MAP7: variants seen among roughly 807,000 people sequenced by gnomAD.
The protein encoded by MAP7 is ensconsin.
A neutral mutation model predicts 94.8 loss-of-function variants in MAP7; 52 were observed. The ratio of observed to expected loss-of-function variants is 0.55; its 90% CI spans 0.44 to 0.69. The LOEUF (loss-of-function observed/expected upper bound fraction) is 0.69. Among genes scored for constraint, MAP7 ranks in the 30% least tolerant of loss-of-function variants. The pLI is 0.00. For missense variants in MAP7, 940 were observed against 964.6 expected (o/e 0.97, Z 0.34); for synonymous variants, 350 against 357.0 (o/e 0.98, Z 0.22).
chr6:136,503,019 T>A (rs1820252962), intron 1 of MAP7, among the ~76,000 whole-genome samples: 1 of 152,196 alleles, frequency 6.6e-6, no homozygotes, highest in Non-Finnish European at 1.5e-5. Context: ...GATAGCTAAC[T>A]CCCTACCTTT....
chr6:136,545,692 A>G (rs1829676950), intron 1 of MAP7, among the ~76,000 whole-genome samples: 1 of 152,044 alleles, frequency 6.6e-6, no homozygotes, highest in African/African-American at 2.4e-5. Flanking sequence ...CCTTTCCTCC[A>G]TCTAATTTTA....
At chr6:136,405,599 G>A (rs531654585) in intron 3 of MAP7, among the ~76,000 whole-genome samples, 92 of 152,364 alleles carry the variant, frequency 6.0e-4, no homozygotes, top group African/African-American at 2.2e-3. Context: ...TACTCTGCAT[G>A]AAATGTAAAG....
At chr6:136,369,957 A>G (rs1392177577) in intron 8 of MAP7, among the ~76,000 whole-genome samples, 1 of 152,232 alleles carries the variant, frequency 6.6e-6, no homozygotes, top group African/African-American at 2.4e-5. Context: ...ACACTTCTAT[A>G]TATCAAAGGA....
Position 136,409,398 on chromosome 6 carries a change from A to AAGG in MAP7, c.244+2221_244+2222insCCT, listed in dbSNP as rs1279716098. Among the ~76,000 whole-genome samples the AAGG allele has an allele frequency of 4.4e-3, 672 of 152,128 alleles. 6 individuals are homozygous for AAGG. The highest frequency in any genetic ancestry group is 0.015 in the African/African-American group (641 of 41,418). Reference sequence around the variant, plus strand: ...CATAACAAGATCCCATTTCAGAGAAAGAGAGAGAGAAGAGAGAAACTATGT... The same window carrying AAGG: ...CATAACAAGATCCCATTTCAGAGAAAAGGGAGAGAGAGAAGAGAGAAACTATGT... On this transcript the variant is annotated intron_variant, in intron 3 of 17. Transcript: ENST00000354570.
chr6:136,359,449 C>G (rs556445878), intron 15 of MAP7, among the ~76,000 whole-genome samples: 51 of 152,186 alleles, frequency 3.4e-4, no homozygotes, highest in Non-Finnish European at 5.6e-4. Context: ...TAAATATACA[C>G]TACTTGAGCA....
intron 1 of MAP7, among the ~76,000 whole-genome samples, chr6:136,471,764 A>T (rs1809100036): frequency 6.6e-6 from 1 of 152,132 alleles, no homozygotes; most frequent in Non-Finnish European, 1.5e-5. Flanking sequence ...AGCAGACAAA[A>T]CTATAACAAA....
At position 136,361,047 on chromosome 6, in the gene MAP7, C is replaced by A; in HGVS notation, c.1659G>T (p.Arg553=). ...EEQLQRQAEE[R]ALREREEAER... ...CTGCCTCCTCCCGCTCGCGCAGCGC[C>A]CGCTCCTCCGCCTGCCGCTGCAGCT... The change falls in exon 12 of 18, where the codon CGG becomes CGT. Residue 553 remains arginine (R), a synonymous_variant. Transcript: ENST00000354570. 6.3e-7 allele frequency: 1 copy of A among 1,588,600 alleles called. No individual in the cohort carries two copies. The highest frequency in any genetic ancestry group is 8.5e-7 in the Non-Finnish European group (1 of 1,173,448).
chr6:136,349,462 T>C (rs1430323059), intron 16 of MAP7, among the ~76,000 whole-genome samples: 1 of 152,084 alleles, frequency 6.6e-6, no homozygotes, highest in African/African-American at 2.4e-5. Context: ...CAGCTTCAAT[T>C]CCCTGGGCTC....
At chr6:136,466,143 A>G (rs1461923956) in intron 1 of MAP7, among the ~76,000 whole-genome samples, 1 of 152,222 alleles carries the variant, frequency 6.6e-6, no homozygotes, top group African/African-American at 2.4e-5. Flanking sequence ...GGGGAAAGAC[A>G]TAACTGGGCA....
At chr6:136,346,283 T>G (rs1292066528) in intron 16 of MAP7, among the ~76,000 whole-genome samples, 1 of 152,124 alleles carries the variant, frequency 6.6e-6, no homozygotes, top group Non-Finnish European at 1.5e-5. Context: ...AAAATCTAGG[T>G]CAGGCACAGT....
At chr6:136,479,126 A>G (rs181839598) in intron 1 of MAP7, among the ~76,000 whole-genome samples, 23 of 152,258 alleles carry the variant, frequency 1.5e-4, no homozygotes, top group Non-Finnish European at 2.9e-4. Context: ...TCAACATAAT[A>G]CTAGCAAACC....
intron 16 of MAP7, among the ~76,000 whole-genome samples, chr6:136,348,087 C>T (rs1032711796): frequency 5.3e-5 from 8 of 151,270 alleles, no homozygotes; most frequent in African/African-American, 1.5e-4. Flanking sequence ...CCACACCCAT[C>T]TTCCTGTTCT....
At chr6:136,422,423 T>A (rs1162946264) in intron 1 of MAP7, among the ~76,000 whole-genome samples, 2 of 152,086 alleles carry the variant, frequency 1.3e-5, no homozygotes, top group East Asian at 1.9e-4. Context: ...AAATTCAAAT[T>A]AAAAAAAATC....
intron 1 of MAP7, among the ~76,000 whole-genome samples, chr6:136,508,721 T>C (rs1257723774): frequency 6.6e-6 from 1 of 152,198 alleles, no homozygotes; most frequent in Admixed American, 6.5e-5. Flanking sequence ...TGGTTTTCCT[T>C]TTTTTGTTTT....
intron 1 of MAP7, among the ~76,000 whole-genome samples, chr6:136,546,227 A>T (rs1394411879): frequency 6.6e-6 from 1 of 151,862 alleles, no homozygotes; most frequent in Non-Finnish European, 1.5e-5. Context: ...AACCCAGGCT[A>T]GTCTCAAACT....
chr6:136,523,611 A>T (rs977650030), intron 1 of MAP7, among the ~76,000 whole-genome samples: 2 of 152,220 alleles, frequency 1.3e-5, no homozygotes, highest in Non-Finnish European at 2.9e-5. Flanking sequence ...ATCCACGGTT[A>T]TCTGGTTATT....
chr6:136,421,560 C>T (rs1791366640), intron 2 of MAP7, 141 bp downstream of exon 2: 1 of 667,940 alleles, frequency 1.5e-6, no homozygotes, highest in African/African-American at 1.8e-5. Context: ...TGTTTGGTGG[C>T]AGGACTGAAA....
At chr6:136,545,652 T>C (rs897758366) in intron 1 of MAP7, among the ~76,000 whole-genome samples, 10 of 152,244 alleles carry the variant, frequency 6.6e-5, no homozygotes, top group Non-Finnish European at 1.5e-4. Flanking sequence ...ACCAAAACTT[T>C]GCTCTTTTTC....
intron 1 of MAP7, among the ~76,000 whole-genome samples, chr6:136,474,759 T>C (rs1422087063): frequency 6.6e-6 from 1 of 151,594 alleles, no homozygotes; most frequent in Non-Finnish European, 1.5e-5. Flanking sequence ...TGTTCTTTCA[T>C]CCAGGCTGGA....
Sources: allele counts gnomAD v4.1 joint callset (sites outside exome capture counted in the v4.1 genomes callset), GRCh38; gene constraint gnomAD v4.1.1; transcripts MANE v1.5; gene names NCBI Gene and HGNC (gene_info 2026-07-23, HGNC 2026-07-21).